Variants in INTU observed in about 807,000 individuals in gnomAD.
INTU encodes inturned planar cell polarity protein, also known as protein inturned.
In INTU, 68 loss-of-function variants were observed where a neutral mutation model predicts 100.5. The observed-to-expected ratio is 0.68, with a 90% CI of 0.56 to 0.83. The LOEUF (loss-of-function observed/expected upper bound fraction) is 0.83. Ranked by LOEUF, INTU falls within the 40% of genes least tolerant of loss-of-function variation. The pLI, the probability that INTU is intolerant of heterozygous loss-of-function variation, is 0.00. For missense variants in INTU, 1,071 were observed against 1,114.7 expected (o/e 0.96, Z 0.56); for synonymous variants, 357 against 395.7 (o/e 0.90, Z 1.16).
chr4:127,674,126 C>A lies in INTU; in HGVS notation c.1094C>A (p.Ser365Ter). ...ENVTGTQVTS[S>*]SLLLNGKQIH... ...ATTTTGAATATATTGTTTCTTAGTT[C>A]ATCCCTCCTTTTAAATGGAAAACAA... Residue 365 changes from serine to a stop codon, truncating the protein, a stop_gained and splice_region_variant, in exon 6 of 16, where the codon TCA (serine) becomes TAA (stop). Transcript: ENST00000335251. LOFTEE classifies it high-confidence loss of function. 6.2e-7 allele frequency: 1 copy of A among 1,600,914 alleles called. No individual in the cohort carries two copies. Among genetic ancestry groups the A allele is most frequent in the Non-Finnish European group, 8.5e-7 (1 of 1,170,530 alleles).
chr4:127,688,986 T>TC (rs1223258705), intron 8 of INTU, among the ~76,000 whole-genome samples: 1 of 82,102 alleles, frequency 1.2e-5, no homozygotes, highest in Admixed American at 1.3e-4. Flanking sequence ...TTTTTTTTTT[T>TC]TTTTTTTTGA....
chr4:127,648,347 T>C (rs1223394431), intron 2 of INTU, among the ~76,000 whole-genome samples: 2 of 152,210 alleles, frequency 1.3e-5, no homozygotes, highest in African/African-American at 4.8e-5. Context: ...GAGAAGTGGA[T>C]ATAATATTTA....
At chr4:127,676,304 A>G (rs893618231) in intron 6 of INTU, among the ~76,000 whole-genome samples, 2 of 152,036 alleles carry the variant, frequency 1.3e-5, no homozygotes, top group Non-Finnish European at 2.9e-5. Context: ...GTATGGCTCT[A>G]CAGCCAGGCA....
intron 3 of INTU, among the ~76,000 whole-genome samples, chr4:127,662,532 T>C (rs959164120): frequency 6.6e-6 from 1 of 152,150 alleles, no homozygotes; most frequent in African/African-American, 2.4e-5. Flanking sequence ...CTTTGACCAA[T>C]TGGTATCTAG....
chr4:127,676,484 G>T (rs1729189525), intron 6 of INTU, among the ~76,000 whole-genome samples: 1 of 152,000 alleles, frequency 6.6e-6, no homozygotes, highest in South Asian at 2.1e-4. Flanking sequence ...TACTTGGGAG[G>T]CTGAGGTGGG....
Position 127,706,684 on chromosome 4 carries a change from T to C in INTU, c.1986T>C (p.Thr662=), listed in dbSNP as rs754071415. 4 of 1,613,992 alleles carry C rather than the reference T, an allele frequency of 2.5e-6. No individual in the cohort carries two copies. In the East Asian group the frequency reaches 8.9e-5, roughly 36 times the overall value. The change falls in exon 12 of 16, where the codon ACT becomes ACC. Residue 662 remains threonine, a synonymous_variant. Coordinates refer to ENST00000335251, the MANE Select transcript of INTU (RefSeq NM_015693.4). ...PCLSCADWFL[T]GSREKTDSLT... The stretch of plus-strand genomic sequence containing the variant: ...TGTCTTGTGCTGACTGGTTCCTTAC[T>C]GGATCACGTGAAAAAACAGATAGCT...
intron 3 of INTU, among the ~76,000 whole-genome samples, chr4:127,657,757 C>T (rs1379836451): frequency 6.6e-6 from 1 of 151,724 alleles, no homozygotes; most frequent in Non-Finnish European, 1.5e-5. Context: ...CCAGATGGGA[C>T]CATCTAGTTG....
chr4:127,679,448 C>T (rs1246324724), intron 6 of INTU, among the ~76,000 whole-genome samples: 1 of 152,172 alleles, frequency 6.6e-6, no homozygotes, highest in African/African-American at 2.4e-5. Context: ...GATTAAGAAA[C>T]TCACTCAAAA....
intron 1 of INTU, among the ~76,000 whole-genome samples, chr4:127,639,302 T>C (rs1177168791): frequency 6.6e-6 from 1 of 152,172 alleles, no homozygotes; most frequent in Non-Finnish European, 1.5e-5. Flanking sequence ...CACTTGGTTA[T>C]GTAAGGTAGT....
At chr4:127,683,474 T>C (rs1276080800) in intron 6 of INTU, among the ~76,000 whole-genome samples, 2 of 152,242 alleles carry the variant, frequency 1.3e-5, no homozygotes, top group African/African-American at 4.8e-5. Context: ...CACGTCTTCG[T>C]ATCACCAACA....
At position 127,633,061 on chromosome 4, in the gene INTU, G is replaced by A. The variant is rs1218734398; in HGVS notation, c.27G>A (p.Ser9=). 1 of 1,613,374 alleles carries A rather than the reference G, an allele frequency of 6.2e-7. No individual in the cohort carries two copies. The highest frequency in any genetic ancestry group is 1.3e-5 in the African/African-American group (1 of 74,924). Residue 9 remains serine, a synonymous_variant, in exon 1 of 16, where the codon TCG becomes TCA. Coordinates refer to ENST00000335251, the MANE Select transcript of INTU (RefSeq NM_015693.4). MASVASCD[S]RPSSDELPGD... ...TGGCCTCTGTGGCTTCGTGCGATTC[G>A]CGTCCGAGCTCAGACGAGCTCCCTG...
intron 4 of INTU, among the ~76,000 whole-genome samples, chr4:127,666,133 A>G (rs1269339554): frequency 6.6e-6 from 1 of 152,124 alleles, no homozygotes; most frequent in East Asian, 1.9e-4. Flanking sequence ...CTATTTAAAC[A>G]ATTATATATT....
chr4:127,691,710 T>C (rs1730135981), intron 8 of INTU, among the ~76,000 whole-genome samples: 1 of 151,938 alleles, frequency 6.6e-6, no homozygotes, highest in African/African-American at 2.4e-5. Flanking sequence ...GAGTATACAC[T>C]GTACCTAATG....
chr4:127,711,260 A>G lies in INTU; in HGVS notation c.2559+158A>G, dbSNP rs369725607. Among the ~76,000 whole-genome samples the G allele has an allele frequency of 4.6e-5, 7 of 152,336 alleles. No homozygotes were observed. In the East Asian group the frequency reaches 1.2e-3, roughly 25 times the overall value. Reference sequence around the variant, plus strand: ...TGGGTGCCAAAACAATTATACTCACAGTACTTCAAGGTTTTATTTTATACT... The same window carrying G: ...TGGGTGCCAAAACAATTATACTCACGGTACTTCAAGGTTTTATTTTATACT... On this transcript the variant is annotated intron_variant, in intron 14 of 15. Transcript: ENST00000335251.
intron 4 of INTU, among the ~76,000 whole-genome samples, chr4:127,665,841 C>T (rs1340337238): frequency 1.3e-5 from 2 of 152,180 alleles, no homozygotes; most frequent in Non-Finnish European, 2.9e-5. Flanking sequence ...GAATTAGTCA[C>T]ATGGTCTATC....
intron 9 of INTU, among the ~76,000 whole-genome samples, chr4:127,703,951 G>A (rs1255975776): frequency 6.6e-6 from 1 of 152,114 alleles, no homozygotes; most frequent in Non-Finnish European, 1.5e-5. Flanking sequence ...CTAAAAAGAT[G>A]TGTTGTAAGA....
chr4:127,661,169 G>C (rs1178649747), intron 3 of INTU, among the ~76,000 whole-genome samples: 1 of 152,084 alleles, frequency 6.6e-6, no homozygotes, highest in Non-Finnish European at 1.5e-5. Flanking sequence ...TTGAGTTTTT[G>C]TTGTGGTGAG....
At chr4:127,693,996 C>G (rs1004142176) in intron 8 of INTU, among the ~76,000 whole-genome samples, 1 of 152,072 alleles carries the variant, frequency 6.6e-6, no homozygotes, top group African/African-American at 2.4e-5. Context: ...AGGATTTTTG[C>G]CCCTATGTTC....
In INTU at chr4:127,690,356, C is replaced by T. The variant is rs139230947; in HGVS notation, c.1449+2489C>T. Among the ~76,000 whole-genome samples the T allele has an allele frequency of 6.9e-4, 105 of 152,206 alleles. No individual in the cohort carries two copies. In the East Asian group the frequency reaches 0.013, roughly 19 times the overall value. ...AAACCATAGCTGTTGCTTATCTTGC[C>T]AGTGCTTTGGCTGCTTTTATCCTTG... is the stretch of plus-strand genomic sequence containing the variant. On this transcript the variant is annotated intron_variant, in intron 8 of 15. Coordinates refer to ENST00000335251, the MANE Select transcript of INTU (RefSeq NM_015693.4).
Sources: allele counts gnomAD v4.1 joint callset (sites outside exome capture counted in the v4.1 genomes callset), GRCh38; gene constraint gnomAD v4.1.1; transcripts MANE v1.5; gene names NCBI Gene and HGNC (gene_info 2026-07-23, HGNC 2026-07-21).